The following MAPK11 variants were observed in gnomAD, a reference collection of about 807,000 sequenced individuals.
MAPK11 encodes mitogen-activated protein kinase 11.
In MAPK11, 44 loss-of-function variants were observed where a neutral mutation model predicts 52.2. The ratio of observed to expected loss-of-function variants is 0.84; its 90% CI spans 0.66 to 1.08. The LOEUF (loss-of-function observed/expected upper bound fraction) is 1.08. Ranked by LOEUF, MAPK11 falls within the 50% of genes least tolerant of loss-of-function variation. The probability of loss-of-function intolerance (pLI) is 0.00; values close to 1 mark genes in which losing one functional copy is unlikely to be tolerated. For missense variants in MAPK11, 436 were observed against 494.7 expected, an observed-to-expected ratio of 0.88 and a Z score of 1.13; for synonymous variants, 233 against 206.3, an observed-to-expected ratio of 1.13 and a Z score of -1.11.
In MAPK11 at chr22:50,267,869, C is replaced by CA; in HGVS notation, c.196_197insT (p.Arg66LeufsTer98). On this transcript the variant is annotated frameshift_variant, in exon 2 of 12. Coordinates refer to ENST00000330651, the MANE Select transcript of MAPK11 (RefSeq NM_002751.7). LOFTEE classifies it high-confidence loss of function. Reference sequence around the variant, plus strand: ...CAGCCGCAGCTCCCGGTACGTTCTGCGCGCGTGGATCAGCGACTGGAAGGG... The same window carrying CA: ...CAGCCGCAGCTCCCGGTACGTTCTGCAGCGCGTGGATCAGCGACTGGAAGGG... 2 of 1,588,972 alleles carry CA rather than the reference C, an allele frequency of 1.3e-6. No homozygotes were observed. The highest frequency in any genetic ancestry group is 1.7e-6 in the Non-Finnish European group (2 of 1,170,234).
At chr22:50,267,975 G>T (rs1319403135) in intron 1 of MAPK11, 26 bp from the exon 2 acceptor site, 1 of 1,524,272 alleles carries the variant, frequency 6.6e-7, no homozygotes, top group Non-Finnish European at 8.8e-7. Context: ...GTGAGGCGGC[G>T]CCGGGAGGGG....
intron 1 of MAPK11, among the ~76,000 whole-genome samples, 169 bp from the exon 2 acceptor site, chr22:50,268,118 C>G (rs1601654637): frequency 6.6e-6 from 1 of 152,336 alleles, no homozygotes; most frequent in African/African-American, 2.4e-5. Context: ...GGCCTACCCA[C>G]TCCGCGCTTG....
rs201353564 is a variant in MAPK11 at position 50,264,768 on chromosome 22, T to C, written c.*180A>G. 7 of 576,828 alleles carry C rather than the reference T, an allele frequency of 1.2e-5. No individual in the cohort carries two copies. Among genetic ancestry groups the C allele is most frequent in the Non-Finnish European group, 2.2e-5 (7 of 321,696 alleles). The allele number at this position is 576,828 out of a possible 1,614,324, so 35.7% of individuals were successfully genotyped here. A position where few individuals can be genotyped will look rare whatever the true frequency, so the allele number is the denominator to read the frequency against. ...CAGACTCCTACACATGGCAAGCACATGTACACACATGTTTGTGCATGCATA... is the reference window on the plus strand; with the variant it reads ...CAGACTCCTACACATGGCAAGCACACGTACACACATGTTTGTGCATGCATA... On this transcript the variant is annotated 3_prime_UTR_variant, in exon 12 of 12. Transcript: ENST00000330651.
At position 50,267,855 on chromosome 22, in the gene MAPK11, C is replaced by A. The variant is rs2065278676; in HGVS notation, c.211G>T (p.Glu71Ter). 1 of 1,584,520 alleles carries A rather than the reference C, an allele frequency of 6.3e-7. No individual in the cohort carries two copies. ...SLIHARRTYR[E>*]LRLLKHLKHE... Reference sequence around the variant, plus strand: ...TTCAGGTGCTTGAGCAGCCGCAGCTCCCGGTACGTTCTGCGCGCGTGGATC... The same window carrying A: ...TTCAGGTGCTTGAGCAGCCGCAGCTACCGGTACGTTCTGCGCGCGTGGATC... The change falls in exon 2 of 12, where the codon GAG becomes TAG. Residue 71 changes from glutamate to a stop codon, truncating the protein, a stop_gained. Coordinates refer to ENST00000330651, the MANE Select transcript of MAPK11 (RefSeq NM_002751.7). LOFTEE classifies it high-confidence loss of function.
In MAPK11 at chr22:50,265,326, C is replaced by T; in HGVS notation, c.1010G>A (p.Trp337Ter). ...CCAGCCACTGCCATGCTCACCCTTCCACTCCTCCAGCGTGCGCTCCTTGGC... is the reference window on the plus strand; with the variant it reads ...CCAGCCACTGCCATGCTCACCCTTCTACTCCTCCAGCGTGCGCTCCTTGGC... ...VEAKERTLEE[W>*]KELTYQEVLS... The change falls in exon 11 of 12, where the codon TGG becomes TAG. Residue 337 changes from tryptophan (W) to a stop codon, truncating the protein, a stop_gained. Transcript: ENST00000330651. LOFTEE classifies it high-confidence loss of function. 6.2e-7 allele frequency: 1 copy of T among 1,612,996 alleles called. No homozygotes were observed. The highest frequency in any genetic ancestry group is 8.5e-7 in the Non-Finnish European group (1 of 1,179,920).
chr22:50,268,427 G>T (rs2065283468), intron 1 of MAPK11, among the ~76,000 whole-genome samples: 1 of 152,230 alleles, frequency 6.6e-6, no homozygotes, highest in Non-Finnish European at 1.5e-5. Context: ...GCCTCCGAAT[G>T]TTCAAAATAC....
Position 50,270,287 on chromosome 22 carries a change from C to G in MAPK11, c.6G>C (p.Ser2=), listed in dbSNP as rs760560377. Residue 2 remains serine (S), a synonymous_variant, in exon 1 of 12, where the codon TCG becomes TCC. Transcript: ENST00000330651. The surrounding 1 kb of genome is among the most constrained non-coding windows in gnomAD (Gnocchi z 6.3). ...GCCGGTAGAAGCCGGCGCGAGGGCC[C>G]GACATGTCCGGAGCAGCCGCCGCTC... M[S]GPRAGFYRQE... The G allele has an allele frequency of 2.9e-6, 4 of 1,376,530 alleles. No homozygotes were observed. Among genetic ancestry groups the G allele is most frequent in the Non-Finnish European group, 3.8e-6 (4 of 1,060,708 alleles). 85.3% of individuals were successfully genotyped at this position (1,376,530 alleles called of 1,614,324 possible).
chr22:50,266,556 G>A lies in MAPK11; in HGVS notation c.666C>T (p.Leu222=), dbSNP rs1281378244. Reference sequence around the variant, plus strand: ...CAAGGATACAGTCGCTTCCCGGGAAGAGGGCCTTGCCCTGGAGCAGCTCAG... The same window carrying A: ...CAAGGATACAGTCGCTTCCCGGGAAAAGGGCCTTGCCCTGGAGCAGCTCAG... ...IMAELLQGKA[L]FPGSDYIDQL... Residue 222 remains leucine (L), a synonymous_variant, in exon 8 of 12, where the codon CTC becomes CTT. Coordinates refer to ENST00000330651, the MANE Select transcript of MAPK11 (RefSeq NM_002751.7). 2.6e-6 allele frequency: 4 copies of A among 1,518,724 alleles called. No homozygotes were observed. In the South Asian group the frequency reaches 4.0e-5, roughly 15 times the overall value. The allele number at this position is 1,518,724 out of a possible 1,614,324, so 94.1% of individuals were successfully genotyped here. A position where few individuals can be genotyped will look rare whatever the true frequency, so the allele number is the denominator to read the frequency against.
intron 8 of MAPK11, 88 bp downstream of exon 8, chr22:50,266,452 C>T: frequency 7.1e-7 from 1 of 1,417,960 alleles, no homozygotes. Flanking sequence ...GCAGAGGAGG[C>T]AAGACCCGCC....
chr22:50,267,062 G>C lies in MAPK11; in HGVS notation c.496-14C>G, dbSNP rs770212040. The C allele has an allele frequency of 1.9e-6, 3 of 1,611,710 alleles. No individual in the cohort carries two copies. The South Asian group carries it at 3.3e-5, about 18-fold the overall frequency. On this transcript the variant is annotated splice_polypyrimidine_tract_variant and intron_variant, in intron 6 of 11. Transcript: ENST00000330651. ...AAAATCCAGGATCTGGGGCGACCAC[G>C]TGGTGTTCTCAAGCTCCGCACGGGC...
chr22:50,267,700 C>G, intron 2 of MAPK11, 73 bp from the exon 3 acceptor site: 1 of 1,459,682 alleles, frequency 6.9e-7, no homozygotes, highest in Non-Finnish European at 9.0e-7. Flanking sequence ...GGCCACGCCC[C>G]CAGTGCCAGG....
In MAPK11 at chr22:50,265,488, T is replaced by C; in HGVS notation, c.848A>G (p.Asp283Gly). 1 of 1,612,872 alleles carries C rather than the reference T, an allele frequency of 6.2e-7. No individual in the cohort carries two copies. Among genetic ancestry groups the C allele is most frequent in the South Asian group, 1.1e-5 (1 of 91,064 alleles). Residue 283 changes from aspartate to glycine, a missense_variant, in exon 11 of 12, where the codon GAC becomes GGC. By Grantham distance (94) the Asp-to-Gly change is moderately conservative. Transcript: ENST00000330651. The stretch of plus-strand genomic sequence containing the variant: ...CAGCACCAGCATCCTTCCAAGGAGG[T>C]CTATGGCTGCAGGGAAGCCAGTGGT... ...IFRGANPLAI[D>G]LLGRMLVLDS...
chr22:50,264,996 C>T lies in MAPK11; in HGVS notation c.1047G>A (p.Lys349=), dbSNP rs989346722. 1.9e-6 allele frequency: 3 copies of T among 1,613,232 alleles called. No individual in the cohort carries two copies. Among genetic ancestry groups the T allele is most frequent in the Non-Finnish European group, 2.5e-6 (3 of 1,179,830 alleles). ...CAGGTGGCTTCGGTGGCTCTGGGGG[C>T]TTGAAGCTGAGGACTTCCTGGTAAG... ...ELTYQEVLSF[K]PPEPPKPPGS... is the part of the protein sequence containing the mutation. The change falls in exon 12 of 12, where the codon AAG becomes AAA. Residue 349 remains lysine (K), a synonymous_variant. Coordinates refer to ENST00000330651, the MANE Select transcript of MAPK11 (RefSeq NM_002751.7).
chr22:50,270,377 G>GGGCGGCGGAGGCGGC lies in MAPK11; in HGVS notation c.-86_-85insGCCGCCTCCGCCGCC, dbSNP rs1177126298. On this transcript the variant is annotated 5_prime_UTR_variant, in exon 1 of 12. Coordinates refer to ENST00000330651, the MANE Select transcript of MAPK11 (RefSeq NM_002751.7). This position sits in a 1 kb window ranked among gnomAD's most constrained non-coding sequence, Gnocchi z 6.3. ...CCGAGCCCGAGCCGAGCGGAGCGGA[G>GGGCGGCGGAGGCGGC]GGCGGCGGAGGCGGCGGCGGCGGCG... is the stretch of plus-strand genomic sequence containing the variant. The GGGCGGCGGAGGCGGC allele has an allele frequency of 2.9e-6, 1 of 349,090 alleles. No individual in the cohort carries two copies. Among genetic ancestry groups the GGGCGGCGGAGGCGGC allele is most frequent in the African/African-American group, 2.2e-5 (1 of 44,642 alleles). The allele number at this position is 349,090 out of a possible 1,614,324, so 21.6% of individuals were successfully genotyped here.
rs201347111 is a variant in MAPK11, at chr22:50,267,019, C to T, written c.525G>A (p.Ala175=). 24 of 1,612,418 alleles carry T rather than the reference C, an allele frequency of 1.5e-5. No homozygotes were observed. Among genetic ancestry groups the T allele is most frequent in the African/African-American group, 4.0e-5 (3 of 75,052 alleles). The change falls in exon 7 of 12, where the codon GCG becomes GCA. Residue 175 remains alanine, a synonymous_variant. Transcript: ENST00000330651. ...CCACATAGCCGGTCATCTCCTCGTC[C>T]GCCTGGCGCGCCAGCCCAAAATCCA... is the stretch of plus-strand genomic sequence containing the variant. ...RILDFGLARQ[A]DEEMTGYVAT... is the part of the protein sequence containing the mutation.
Position 50,265,075 on chromosome 22 carries a change from C to T in MAPK11, c.1016-48G>A, listed in dbSNP as rs370441126. On this transcript the variant is annotated intron_variant, in intron 11 of 11. Coordinates refer to ENST00000330651, the MANE Select transcript of MAPK11 (RefSeq NM_002751.7). ...GAGCTTGTGCCTCCCACAGCCCGGC[C>T]CCTCACCTGCTTGTCTGGCACCTGC... 16 of 1,506,156 alleles carry T rather than the reference C, an allele frequency of 1.1e-5. No individual in the cohort carries two copies. In the African/African-American group the frequency reaches 2.1e-4, roughly 19 times the overall value. 93.3% of individuals were successfully genotyped at this position (1,506,156 alleles called of 1,614,324 possible).
chr22:50,268,092 C>T, intron 1 of MAPK11, 143 bp from the exon 2 acceptor site: 3 of 1,028,106 alleles, frequency 2.9e-6, no homozygotes, highest in Non-Finnish European at 4.0e-6. Context: ...CGCCCCAGCT[C>T]GGCCTCCCAC....
In MAPK11 at chr22:50,266,639, AG is replaced by A. The variant is rs747808187; in HGVS notation, c.611-29del. The A allele has an allele frequency of 4.5e-6, 7 of 1,569,590 alleles. No homozygotes were observed. In the African/African-American group the frequency reaches 9.5e-5, roughly 21 times the overall value. ...GTGCGAGGGCGAGGGGACCTCCATC[AG>A]TGTGCCCACCCCACGTCCCTCCTCC... On this transcript the variant is annotated intron_variant, in intron 7 of 11. Coordinates refer to ENST00000330651, the MANE Select transcript of MAPK11 (RefSeq NM_002751.7).
In MAPK11 at chr22:50,267,118, G is replaced by C. The variant is rs2066777; in HGVS notation, c.495+9C>G. On this transcript the variant is annotated intron_variant, in intron 6 of 11. Coordinates refer to ENST00000330651, the MANE Select transcript of MAPK11 (RefSeq NM_002751.7). ...CGCCGCCCTGCCCACCCCTGCCCAC[G>C]GGCCTCACCCTGAGCTCACAGTCCT... is the stretch of plus-strand genomic sequence containing the variant. The C allele has an allele frequency of 0.014, 22,967 of 1,611,644 alleles. 212 individuals are homozygous for C. The highest frequency in any genetic ancestry group is 0.017 in the Non-Finnish European group (19,684 of 1,179,456).
Sources: allele counts gnomAD v4.1 joint callset (sites outside exome capture counted in the v4.1 genomes callset), GRCh38; gene constraint gnomAD v4.1.1; non-coding constraint Gnocchi (gnomAD v3.1); transcripts MANE v1.5; gene names NCBI Gene and HGNC (gene_info 2026-07-23, HGNC 2026-07-21).